The following BRCA2 variants were observed in gnomAD, a reference collection of about 807,000 sequenced individuals.
The protein encoded by BRCA2 is BRCA2 DNA repair associated, also known as breast cancer type 2 susceptibility protein.
BRCA2 carries 203 observed loss-of-function variants against 276.7 expected under a neutral mutation model. The observed-to-expected ratio is 0.73, with a 90% CI of 0.65 to 0.82. BRCA2 has a LOEUF of 0.82. Among genes scored for constraint, BRCA2 ranks in the 40% least tolerant of loss-of-function variants. The pLI is 0.00. For missense variants in BRCA2, 3,920 were observed against 3,915.0 expected, an observed-to-expected ratio of 1.00 and a Z score of -0.03; for synonymous variants, 1,289 against 1,338.4, an observed-to-expected ratio of 0.96 and a Z score of 0.81.
At position 32,400,153 on chromosome 13, in the gene BRCA2, C is replaced by T. The variant is rs2073072879; in HGVS notation, c.*1383C>T. ...AACATTTCTAACTGGGAGTTAATTG[C>T]ATGGAGAAGGTCTTAAATCAGATGT... On this transcript the variant is annotated 3_prime_UTR_variant, in exon 27 of 27. Coordinates refer to ENST00000380152, the MANE Select transcript of BRCA2 (RefSeq NM_000059.4). 1 of 152,150 alleles carries T rather than the reference C, an allele frequency of 6.6e-6. No individual in the cohort carries two copies. The highest frequency in any genetic ancestry group is 2.4e-5 in the African/African-American group (1 of 41,432). 9.4% of individuals were successfully genotyped at this position (152,150 alleles called of 1,614,324 possible).
chr13:32,395,059 A>G (rs1207555942), intron 25 of BRCA2, 126 bp downstream of exon 25: 5 of 1,335,472 alleles, frequency 3.7e-6, no homozygotes, highest in East Asian at 2.4e-5. Context: ...GTTTAATCAT[A>G]TATTAATTGC....
Position 32,362,687 on chromosome 13 carries a change from A to C in BRCA2, c.7970A>C (p.Lys2657Thr), listed in dbSNP as rs1555286874. 6.2e-7 allele frequency: 1 copy of C among 1,614,028 alleles called. No individual in the cohort carries two copies. Among genetic ancestry groups the C allele is most frequent in the Admixed American group, 1.7e-5 (1 of 59,996 alleles). ...CCAGAAAGGGTGCTTCTTCAACTAA[A>C]ATACAGGCAAGTTTAAAGCATTACA... is the stretch of plus-strand genomic sequence containing the variant. Reference protein sequence around the residue: ...LSPERVLLQLKYRYDTEIDRS... With the variant: ...LSPERVLLQLTYRYDTEIDRS... Residue 2657 changes from lysine to threonine, a missense_variant, in exon 17 of 27, where the codon AAA (lysine) becomes ACA (threonine). Physicochemically the swap from Lys to Thr is moderately conservative, Grantham distance 78. Transcript: ENST00000380152.
rs56400215 is a variant in BRCA2, at chr13:32,338,104, A to G, written c.3749A>G (p.Glu1250Gly). Residue 1250 changes from glutamate to glycine, a missense_variant, in exon 11 of 27, where the codon GAA (glutamate) becomes GGA (glycine). Coordinates refer to ENST00000380152, the MANE Select transcript of BRCA2 (RefSeq NM_000059.4). ...AGTGATATTGAGAATATTAGTGAGGAAACTTCTGCAGAGGTACATCCAATA... is the reference window on the plus strand; with the variant it reads ...AGTGATATTGAGAATATTAGTGAGGGAACTTCTGCAGAGGTACATCCAATA... ...LFSDIENISE[E>G]TSAEVHPISL... 2.1e-5 allele frequency: 34 copies of G among 1,610,200 alleles called. No homozygotes were observed. Among genetic ancestry groups the G allele is most frequent in the Non-Finnish European group, 2.7e-5 (32 of 1,178,594 alleles).
intron 12 of BRCA2, among the ~76,000 whole-genome samples, chr13:32,345,706 C>T (rs548943253): frequency 2.6e-5 from 4 of 151,954 alleles, no homozygotes; most frequent in African/African-American, 9.6e-5. Context: ...GGACTCAAGT[C>T]TAAACACGAA....
rs2137597847 is a variant in BRCA2, at chr13:32,370,531, A to G, written c.8461A>G (p.Ile2821Val). The G allele has an allele frequency of 6.2e-7, 1 of 1,613,748 alleles. No individual in the cohort carries two copies. ...AGGAAATGTTGGTTGTGTTGATGTA[A>G]TTATTCAAAGAGCATACCCTATACA... ...DGGNVGCVDV[I>V]IQRAYPIQWM... is the part of the protein sequence containing the mutation. The change falls in exon 19 of 27, where the codon ATT becomes GTT. Residue 2821 changes from isoleucine (I) to valine (V), a missense_variant. Ile to Val is a conservative substitution (Grantham distance 29). Around this residue, in one of 2 missense-constraint regions of BRCA2, gnomAD observed 657 missense variants for 758.2 expected, o/e 0.87. Coordinates refer to ENST00000380152, the MANE Select transcript of BRCA2 (RefSeq NM_000059.4).
chr13:32,346,500 C>T (rs1177974304), intron 12 of BRCA2, among the ~76,000 whole-genome samples: 2 of 151,990 alleles, frequency 1.3e-5, no homozygotes, highest in African/African-American at 4.8e-5. Flanking sequence ...ATATCTAAAG[C>T]TTAGCTTTTA....
intron 3 of BRCA2, 111 bp downstream of exon 3, chr13:32,319,436 C>T (rs2072291589): frequency 9.3e-7 from 1 of 1,076,702 alleles, no homozygotes; most frequent in African/African-American, 1.6e-5. Flanking sequence ...GCAAATCAGT[C>T]TCTCTGGCCT....
chr13:32,394,325 A>G (rs2073018296), intron 24 of BRCA2, among the ~76,000 whole-genome samples: 1 of 152,198 alleles, frequency 6.6e-6, no homozygotes, highest in African/African-American at 2.4e-5. Flanking sequence ...ATCTTCAGAG[A>G]GGAGTACAAG....
rs80358477 is a variant in BRCA2, at chr13:32,333,343, C to G, written c.1865C>G (p.Ala622Gly). Residue 622 changes from alanine to glycine, a missense_variant, in exon 10 of 27, where the codon GCA (alanine) becomes GGA (glycine). Around this residue, in one of 2 missense-constraint regions of BRCA2, gnomAD observed 3,263 missense variants for 3,156.9 expected, o/e 1.03. Coordinates refer to ENST00000380152, the MANE Select transcript of BRCA2 (RefSeq NM_000059.4). ...ELINCSAQFE[A>G]NAFEAPLTFA... is the part of the protein sequence containing the mutation. ...ATTAACTGTTCAGCCCAGTTTGAAG[C>G]AAATGCTTTTGAAGCACCACTTACA... 6.2e-7 allele frequency: 1 copy of G among 1,607,502 alleles called. No individual in the cohort carries two copies. The highest frequency in any genetic ancestry group is 8.5e-7 in the Non-Finnish European group (1 of 1,178,632).
At chr13:32,359,905 A>G (rs2072727545) in intron 16 of BRCA2, among the ~76,000 whole-genome samples, 1 of 152,220 alleles carries the variant, frequency 6.6e-6, no homozygotes, top group African/African-American at 2.4e-5. Flanking sequence ...ATAAAGGAAA[A>G]CAAAAAAGTC....
Position 32,338,268 on chromosome 13 carries a change from TTTG to T in BRCA2, c.3917_3919del (p.Val1306del), listed in dbSNP as rs2137501220. The T allele has an allele frequency of 6.4e-7, 1 of 1,565,314 alleles. No individual in the cohort carries two copies. The highest frequency in any genetic ancestry group is 8.6e-7 in the Non-Finnish European group (1 of 1,157,762). ...TAATATTGAAATGACTACTGGCACT[TTTG>T]TTGAAGAAATTACTGAAAATTACAA... is the stretch of plus-strand genomic sequence containing the variant. On this transcript the variant is annotated inframe_deletion, in exon 11 of 27. Transcript: ENST00000380152.
At chr13:32,357,988 TCTC>T in intron 16 of BRCA2, 59 bp downstream of exon 16, 2 of 1,561,850 alleles carry the variant, frequency 1.3e-6, no homozygotes, top group South Asian at 1.1e-5. Context: ...CCCTCTTTCT[TCTC>T]TTAACTGTCT....
chr13:32,372,850 A>C (rs535059342), intron 20 of BRCA2, among the ~76,000 whole-genome samples: 1 of 152,300 alleles, frequency 6.6e-6, no homozygotes, highest in East Asian at 1.9e-4. Context: ...GAGCCTGTAA[A>C]ATCAAAAGCA....
rs1555282103 is a variant in BRCA2 at position 32,333,311 on chromosome 13, A to G, written c.1833A>G (p.Ser611=). 1.2e-6 allele frequency: 2 copies of G among 1,607,126 alleles called. No homozygotes were observed. The highest frequency in any genetic ancestry group is 1.7e-6 in the Non-Finnish European group (2 of 1,178,364). ...KGKKIPKDQK[S]ELINCSAQFE... ...AAAAAATACCGAAAGACCAAAAATC[A>G]GAACTAATTAACTGTTCAGCCCAGT... Residue 611 remains serine, a synonymous_variant, in exon 10 of 27, where the codon TCA becomes TCG. Transcript: ENST00000380152.
At chr13:32,378,073 A>G (rs1326012949) in intron 21 of BRCA2, among the ~76,000 whole-genome samples, 2 of 152,240 alleles carry the variant, frequency 1.3e-5, no homozygotes, top group South Asian at 2.1e-4. Flanking sequence ...TTCTTTCTTG[A>G]AAAATTATTT....
At chr13:32,331,304 C>T (rs1419159388) in intron 9 of BRCA2, among the ~76,000 whole-genome samples, 3 of 152,134 alleles carry the variant, frequency 2.0e-5, no homozygotes, top group African/African-American at 7.2e-5. Flanking sequence ...CCAGCCTGAA[C>T]TACTCTTTTT....
In BRCA2 at chr13:32,362,695, C is replaced by T. The variant is rs886040943; in HGVS notation, c.7976+2C>T. The T allele has an allele frequency of 6.2e-7, 1 of 1,613,998 alleles. No individual in the cohort carries two copies. The highest frequency in any genetic ancestry group is 8.5e-7 in the Non-Finnish European group (1 of 1,179,930). On this transcript the variant is annotated splice_donor_variant, in intron 17 of 26. Transcript: ENST00000380152. LOFTEE classifies it low-confidence loss of function (GC_TO_GT_DONOR). ...GGTGCTTCTTCAACTAAAATACAGG[C>T]AAGTTTAAAGCATTACATTACGTAA...
At chr13:32,361,538 A>C (rs1173919511) in intron 16 of BRCA2, among the ~76,000 whole-genome samples, 1 of 152,134 alleles carries the variant, frequency 6.6e-6, no homozygotes, top group East Asian at 1.9e-4. Context: ...GTAGAAAAAA[A>C]CCGTTTCTTA....
intron 16 of BRCA2, among the ~76,000 whole-genome samples, chr13:32,359,265 C>G (rs1242911409): frequency 6.7e-6 from 1 of 149,138 alleles, no homozygotes; most frequent in Non-Finnish European, 1.5e-5. Flanking sequence ...TTGAAATGGC[C>G]TTATGGTAGA....
Sources: allele counts gnomAD v4.1 joint callset (sites outside exome capture counted in the v4.1 genomes callset), GRCh38; gene constraint gnomAD v4.1.1; regional missense constraint gnomAD v4.1.1; transcripts MANE v1.5; gene names NCBI Gene and HGNC (gene_info 2026-07-23, HGNC 2026-07-21).